SLC10A7: variants seen among roughly 807,000 people sequenced by gnomAD.
SLC10A7 encodes the protein solute carrier family 10 member 7, also known as sodium/bile acid cotransporter 7.
A neutral mutation model predicts 43.2 loss-of-function variants in SLC10A7; 29 were observed. That is an observed-to-expected ratio of 0.67 (90% CI 0.50 to 0.92). SLC10A7 has a LOEUF of 0.92. Ranked by LOEUF, SLC10A7 falls within the 40% of genes least tolerant of loss-of-function variation. The probability of loss-of-function intolerance (pLI) is 0.00; values close to 1 mark genes in which losing one functional copy is unlikely to be tolerated. For synonymous variants in SLC10A7, 152 were observed against 144.8 expected (o/e 1.05, Z -0.35); for missense variants, 295 against 403.2 (o/e 0.73, Z 2.30).
chr4:146,502,520 C>G (rs1368924176), intron 4 of SLC10A7, among the ~76,000 whole-genome samples: 1 of 152,046 alleles, frequency 6.6e-6, no homozygotes, highest in Non-Finnish European at 1.5e-5. Flanking sequence ...CCATTCCACT[C>G]CTAGGTATTT....
intron 6 of SLC10A7, among the ~76,000 whole-genome samples, chr4:146,312,710 A>T (rs1732063567): frequency 1.3e-5 from 2 of 152,160 alleles, no homozygotes; most frequent in African/African-American, 4.8e-5. Context: ...TTCACCTAGC[A>T]TAATGTCCTC....
At chr4:146,282,678 T>C (rs1284886417) in intron 10 of SLC10A7, among the ~76,000 whole-genome samples, 1 of 152,210 alleles carries the variant, frequency 6.6e-6, no homozygotes, top group East Asian at 1.9e-4. Context: ...TCACTTTTAG[T>C]GCTAATCTGA....
At chr4:146,430,085 T>A (rs1332941482) in intron 5 of SLC10A7, among the ~76,000 whole-genome samples, 1 of 147,558 alleles carries the variant, frequency 6.8e-6, no homozygotes, top group East Asian at 1.9e-4. Flanking sequence ...CAAACAAGGA[T>A]TTCTTAGATA....
At chr4:146,481,558 TGG>T (rs931724069) in intron 4 of SLC10A7, among the ~76,000 whole-genome samples, 1 of 152,184 alleles carries the variant, frequency 6.6e-6, no homozygotes, top group Non-Finnish European at 1.5e-5. Flanking sequence ...CTCTGTTCCC[TGG>T]GCCTGAGCCT....
At chr4:146,342,078 T>C (rs1347743177) in intron 5 of SLC10A7, among the ~76,000 whole-genome samples, 1 of 151,814 alleles carries the variant, frequency 6.6e-6, no homozygotes, top group Non-Finnish European at 1.5e-5. Context: ...TAGCCTAGCG[T>C]TCTTAACTTA....
In SLC10A7 at chr4:146,325,974, A is replaced by G; in HGVS notation, c.458T>C (p.Leu153Pro). ...SFLGIVITPL[L>P]LLLFLGSSSS... ...CAAAATACTCACAAAAAGCAGCAGG[A>G]GCAGGGGTGTTATAACGATGCCCTG... The change falls in exon 6 of 12, where the codon CTC becomes CCC. Residue 153 changes from leucine (L) to proline (P), a missense_variant. Leu to Pro is a moderately conservative substitution (Grantham distance 98, BLOSUM62 -3). Around this residue, in one of 2 missense-constraint regions of SLC10A7, gnomAD observed 242 missense variants for 362.5 expected, o/e 0.67. Transcript: ENST00000335472. 1.2e-6 allele frequency: 2 copies of G among 1,612,420 alleles called. No individual in the cohort carries two copies. Among genetic ancestry groups the G allele is most frequent in the Non-Finnish European group, 1.7e-6 (2 of 1,179,134 alleles).
At chr4:146,476,488 T>C (rs1487803065) in intron 4 of SLC10A7, among the ~76,000 whole-genome samples, 1 of 152,096 alleles carries the variant, frequency 6.6e-6, no homozygotes, top group Non-Finnish European at 1.5e-5. Flanking sequence ...ATTGTGTGTG[T>C]GTTGGTGTGT....
At chr4:146,411,935 C>G (rs1207530534) in intron 5 of SLC10A7, among the ~76,000 whole-genome samples, 2 of 152,012 alleles carry the variant, frequency 1.3e-5, no homozygotes, top group East Asian at 3.9e-4. Flanking sequence ...GCACCTTTTC[C>G]CTAACTCCTC....
intron 5 of SLC10A7, among the ~76,000 whole-genome samples, chr4:146,395,308 T>TG (rs1738741828): frequency 6.6e-6 from 1 of 152,166 alleles, no homozygotes; most frequent in South Asian, 2.1e-4. Flanking sequence ...AGGATTGCTT[T>TG]GGGCCCAGAA....
chr4:146,377,725 T>A (rs1451164553), intron 5 of SLC10A7, among the ~76,000 whole-genome samples: 1 of 152,208 alleles, frequency 6.6e-6, no homozygotes, highest in Non-Finnish European at 1.5e-5. Flanking sequence ...AACTACATAT[T>A]TCTTATTATA....
rs973434674 is a variant in SLC10A7, at chr4:146,254,771, A to G, written c.*1720T>C. 3 of 152,150 alleles carry G rather than the reference A, an allele frequency of 2.0e-5. No homozygotes were observed. The highest frequency in any genetic ancestry group is 4.4e-5 in the Non-Finnish European group (3 of 68,020). 9.4% of individuals were successfully genotyped at this position (152,150 alleles called of 1,614,324 possible). A position where few individuals can be genotyped will look rare whatever the true frequency, so the allele number is the denominator to read the frequency against. The stretch of plus-strand genomic sequence containing the variant: ...ATTCAAAGAAACTTGTAGGAACAAA[A>G]CCTAAGAGCCTTCCTGTGCTCCATA... On this transcript the variant is annotated 3_prime_UTR_variant, in exon 12 of 12. Coordinates refer to ENST00000335472, the MANE Select transcript of SLC10A7 (RefSeq NM_001029998.6).
In SLC10A7 at chr4:146,459,742, T is replaced by C. The variant is rs1000069426; in HGVS notation, c.397-16921A>G. 2.6e-5 allele frequency among the ~76,000 whole-genome samples: 4 copies of C among 151,802 alleles called. 1 individual carries two copies. In the South Asian group the frequency reaches 8.3e-4, roughly 31 times the overall value. On this transcript the variant is annotated intron_variant, in intron 4 of 11. Coordinates refer to ENST00000335472, the MANE Select transcript of SLC10A7 (RefSeq NM_001029998.6). ...TTTCAGAACACTTAAAGAACATCTT[T>C]GTGACTCTGGATTAGGACAACATAT... is the stretch of plus-strand genomic sequence containing the variant.
chr4:146,502,204 C>T (rs527630958), intron 4 of SLC10A7, among the ~76,000 whole-genome samples: 1 of 152,270 alleles, frequency 6.6e-6, no homozygotes, highest in Admixed American at 6.5e-5. Context: ...AATGAGATAT[C>T]ATTACACCGT....
intron 3 of SLC10A7, among the ~76,000 whole-genome samples, chr4:146,506,701 T>G (rs974764889): frequency 6.6e-6 from 1 of 152,200 alleles, no homozygotes; most frequent in Non-Finnish European, 1.5e-5. Context: ...TCATTCAAAT[T>G]TAGCTTCTGT....
intron 5 of SLC10A7, among the ~76,000 whole-genome samples, chr4:146,356,440 C>T (rs1735639110): frequency 6.6e-6 from 1 of 152,040 alleles, no homozygotes; most frequent in African/African-American, 2.4e-5. Context: ...TGACAGTTTC[C>T]TTCCTGAAAC....
At chr4:146,311,277 A>G (rs1731960207) in intron 6 of SLC10A7, among the ~76,000 whole-genome samples, 1 of 152,158 alleles carries the variant, frequency 6.6e-6, no homozygotes, top group African/African-American at 2.4e-5. Flanking sequence ...AGGCTTAGAA[A>G]GACAAATAGG....
At position 146,427,059 on chromosome 4, in the gene SLC10A7, T is replaced by C. The variant is rs1168897407; in HGVS notation, c.435+15724A>G. Among the ~76,000 whole-genome samples the C allele has an allele frequency of 2.6e-5, 4 of 152,238 alleles. 1 individual carries two copies. The highest frequency in any genetic ancestry group is 2.0e-4 in the Admixed American group (3 of 15,284). Reference sequence around the variant, plus strand: ...GTCTTTAGAAAATTCTTACTGATTATGGCACTAAGTTGATGGAATCTAAAA... The same window carrying C: ...GTCTTTAGAAAATTCTTACTGATTACGGCACTAAGTTGATGGAATCTAAAA... On this transcript the variant is annotated intron_variant, in intron 5 of 11. Coordinates refer to ENST00000335472, the MANE Select transcript of SLC10A7 (RefSeq NM_001029998.6).
intron 6 of SLC10A7, among the ~76,000 whole-genome samples, chr4:146,314,493 C>G (rs1203267792): frequency 6.6e-6 from 1 of 152,136 alleles, no homozygotes; most frequent in East Asian, 1.9e-4. Flanking sequence ...GGGGCCAGCT[C>G]TCTAAGAAAC....
intron 5 of SLC10A7, among the ~76,000 whole-genome samples, chr4:146,413,016 A>T (rs1728305303): frequency 6.6e-6 from 1 of 152,172 alleles, no homozygotes; most frequent in Non-Finnish European, 1.5e-5. Flanking sequence ...TTAAAATTTC[A>T]ACCAGATTGA....
Sources: gnomAD v4.1 joint callset for allele counts (sites outside exome capture counted in the v4.1 genomes callset) on GRCh38, gnomAD v4.1.1 for gene constraint, gnomAD v4.1.1 regional missense constraint, MANE v1.5 for transcripts, NCBI Gene and HGNC (gene_info 2026-07-23, HGNC 2026-07-21) for gene names.